The following ZC3H11A variants were observed in gnomAD, a reference collection of about 807,000 sequenced individuals.
ZC3H11A encodes the protein zinc finger CCCH-type containing 11A.
A neutral mutation model predicts 90.8 loss-of-function variants in ZC3H11A; 22 were observed. The observed-to-expected ratio is 0.24, with a 90% CI of 0.17 to 0.35. The LOEUF (loss-of-function observed/expected upper bound fraction) is 0.35. Ranked by LOEUF, ZC3H11A falls within the 10% of genes least tolerant of loss-of-function variation. ZC3H11A has a pLI of 1.00. For synonymous variants in ZC3H11A, 294 were observed against 339.8 expected (o/e 0.87, Z 1.48); for missense variants, 701 against 964.9 (o/e 0.73, Z 3.62).
chr1:203,819,637 C>T (rs556165678), intron 4 of ZC3H11A, among the ~76,000 whole-genome samples: 76 of 147,820 alleles, frequency 5.1e-4, no homozygotes, highest in African/African-American at 1.7e-3. Flanking sequence ...CTAGTTCAAG[C>T]GGTTCTCCTG....
intron 3 of ZC3H11A, among the ~76,000 whole-genome samples, chr1:203,817,376 G>A (rs1394342459): frequency 6.7e-6 from 1 of 149,642 alleles, no homozygotes; most frequent in Non-Finnish European, 1.5e-5. Flanking sequence ...ATCATTCAGT[G>A]TTCAAAATTA....
intron 13 of ZC3H11A, 64 bp downstream of exon 13, chr1:203,847,751 G>A: frequency 6.4e-7 from 1 of 1,555,688 alleles, no homozygotes; most frequent in Non-Finnish European, 8.6e-7. Flanking sequence ...AGTGTTCCGT[G>A]GGATCTTCCT....
At chr1:203,845,507 A>C (rs149818233) in intron 12 of ZC3H11A, among the ~76,000 whole-genome samples, 1 of 152,320 alleles carries the variant, frequency 6.6e-6, no homozygotes, top group African/African-American at 2.4e-5. Context: ...CAGTGTACTG[A>C]GTGTTCAGTG....
Position 203,829,204 on chromosome 1 carries a change from T to G in ZC3H11A, c.299-247T>G, listed in dbSNP as rs142151953. Reference sequence around the variant, plus strand: ...AATTTGTGAACAGGTACTATGCTTCTTCTAGTCTTCTGTTGATTCTGTTTT... The same window carrying G: ...AATTTGTGAACAGGTACTATGCTTCGTCTAGTCTTCTGTTGATTCTGTTTT... On this transcript the variant is annotated intron_variant, in intron 5 of 17. Coordinates refer to ENST00000367210, the MANE Select transcript of ZC3H11A (RefSeq NM_001376342.1). The G allele has an allele frequency of 8.1e-4, 444 of 549,532 alleles. 1 individual carries two copies. Among genetic ancestry groups the G allele is most frequent in the African/African-American group, 7.4e-3 (395 of 53,120 alleles). The allele number at this position is 549,532 out of a possible 1,614,324, so 34.0% of individuals were successfully genotyped here.
At chr1:203,819,579 G>C (rs567352916) in intron 4 of ZC3H11A, among the ~76,000 whole-genome samples, 12 of 114,298 alleles carry the variant, frequency 1.0e-4, no homozygotes, top group African/African-American at 3.4e-4. Flanking sequence ...TTGTTGCCCA[G>C]GCTGGAGTGT....
intron 1 of ZC3H11A, chr1:203,796,722 T>G (rs1286967273): frequency 2.8e-6 from 1 of 352,352 alleles, no homozygotes; most frequent in Admixed American, 4.7e-5. Flanking sequence ...ACTTACAGGC[T>G]GTAAAAGCTT....
At chr1:203,830,087 T>TC in intron 7 of ZC3H11A, 36 bp from the exon 8 acceptor site, 1 of 1,517,152 alleles carries the variant, frequency 6.6e-7, no homozygotes, top group Non-Finnish European at 9.1e-7. Context: ...ATGAAAAGGC[T>TC]CCCGTTCCTC....
chr1:203,815,216 C>CTTTTTTTTTTTTTTTTTT lies in ZC3H11A; in HGVS notation c.-145-1694_-145-1693insTTTTTTTTTTTTTTTTTT, dbSNP rs59254922. 5.5e-4 allele frequency among the ~76,000 whole-genome samples: 53 copies of CTTTTTTTTTTTTTTTTTT among 97,138 alleles called. 2 individuals carry two copies. The highest frequency in any genetic ancestry group is 1.2e-3 in the Admixed American group (8 of 6,504). 63.7% of individuals were successfully genotyped at this position (97,138 alleles called of 152,430 possible). On this transcript the variant is annotated intron_variant, in intron 2 of 17. Coordinates refer to ENST00000367210, the MANE Select transcript of ZC3H11A (RefSeq NM_001376342.1). ...TTCATTATTTTCTTCCTTTTCTTTT[C>CTTTTTTTTTTTTTTTTTT]TTTTTTTTTTTTTTTTGAGACAGTG...
intron 4 of ZC3H11A, among the ~76,000 whole-genome samples, chr1:203,824,954 A>G (rs867078809): frequency 4.1e-4 from 62 of 151,588 alleles, no homozygotes; most frequent in African/African-American, 1.5e-3. Context: ...ACACGTGCCT[A>G]TAATCCCAGC....
At chr1:203,796,237 A>T (rs1558084067) in intron 1 of ZC3H11A, 7 of 393,726 alleles carry the variant, frequency 1.8e-5, no homozygotes, top group Non-Finnish European at 4.5e-6. Flanking sequence ...CTCACTGCCT[A>T]AATCAATCAG....
intron 10 of ZC3H11A, among the ~76,000 whole-genome samples, chr1:203,835,315 T>C (rs937838334): frequency 6.6e-6 from 1 of 152,178 alleles, no homozygotes; most frequent in Non-Finnish European, 1.5e-5. Flanking sequence ...GCACTTGATA[T>C]CAGTAAATAT....
chr1:203,834,427 A>C (rs1301156756), intron 10 of ZC3H11A, among the ~76,000 whole-genome samples: 1 of 151,490 alleles, frequency 6.6e-6, no homozygotes, highest in Non-Finnish European at 1.5e-5. Context: ...CTACACCACC[A>C]TACCTGGCTA....
intron 8 of ZC3H11A, among the ~76,000 whole-genome samples, chr1:203,830,429 G>A (rs1681871269): frequency 6.6e-6 from 1 of 152,188 alleles, no homozygotes; most frequent in African/African-American, 2.4e-5. Context: ...GAAAGAACTT[G>A]TATATCTTGA....
intron 12 of ZC3H11A, among the ~76,000 whole-genome samples, chr1:203,841,155 T>C (rs530952650): frequency 7.2e-6 from 1 of 138,264 alleles, no homozygotes; most frequent in Admixed American, 7.0e-5. Flanking sequence ...TTTTTTTTTT[T>C]TATTTTTTTT....
intron 4 of ZC3H11A, among the ~76,000 whole-genome samples, chr1:203,826,932 T>C (rs1163368968): frequency 1.4e-4 from 22 of 152,136 alleles, no homozygotes; most frequent in Admixed American, 1.4e-3. Context: ...AATAGAGTAT[T>C]AGCAGTAATC....
Position 203,821,979 on chromosome 1 carries a change from G to A in ZC3H11A, c.174+3290G>A, listed in dbSNP as rs139320806. Among the ~76,000 whole-genome samples the A allele has an allele frequency of 8.9e-3, 1,354 of 152,100 alleles. 27 individuals are homozygous for A. Among genetic ancestry groups the A allele is most frequent in the African/African-American group, 0.031 (1,300 of 41,496 alleles). ...TCACCGTGTTAGCCAGGATGGTCTC[G>A]ATCTGCTGACCTCGTGATCCGCCCG... On this transcript the variant is annotated intron_variant, in intron 4 of 17. Transcript: ENST00000367210.
intron 8 of ZC3H11A, 43 bp downstream of exon 8, chr1:203,830,246 G>A: frequency 6.8e-7 from 1 of 1,462,080 alleles, no homozygotes; most frequent in Non-Finnish European, 9.4e-7. Flanking sequence ...ATGTTGCTAG[G>A]GAAGAATACT....
chr1:203,797,694 C>G, intron 1 of ZC3H11A: 5 of 1,535,422 alleles, frequency 3.3e-6, no homozygotes, highest in African/African-American at 1.4e-5. Flanking sequence ...AGAGGCAAAA[C>G]AGCCTGCTAA....
In ZC3H11A at chr1:203,812,578, A is replaced by ATTTTT. The variant is rs386369376; in HGVS notation, c.-145-4331_-145-4327dup. Reference sequence around the variant, plus strand: ...GTATTTTGGATTTTAGCCATTCTAAATTTTTTTTTTTTTTTTTTTTTGAGA... The same window carrying ATTTTT: ...GTATTTTGGATTTTAGCCATTCTAAATTTTTTTTTTTTTTTTTTTTTTTTTTGAGA... On this transcript the variant is annotated intron_variant, in intron 2 of 17. Coordinates refer to ENST00000367210, the MANE Select transcript of ZC3H11A (RefSeq NM_001376342.1). 2.7e-4 allele frequency among the ~76,000 whole-genome samples: 30 copies of ATTTTT among 109,306 alleles called. 1 individual carries two copies. Among genetic ancestry groups the ATTTTT allele is most frequent in the Admixed American group, 5.3e-4 (5 of 9,398 alleles). The allele number at this position is 109,306 out of a possible 152,430, so 71.7% of individuals were successfully genotyped here.
Sources: allele counts gnomAD v4.1 joint callset (sites outside exome capture counted in the v4.1 genomes callset), GRCh38; gene constraint gnomAD v4.1.1; transcripts MANE v1.5; gene names NCBI Gene and HGNC (gene_info 2026-07-23, HGNC 2026-07-21).